FBLN2: variants seen among roughly 807,000 people sequenced by gnomAD.
FBLN2 encodes fibulin 2.
Under a neutral mutation model 123.7 loss-of-function variants are expected in FBLN2, and 81 were observed. The ratio of observed to expected loss-of-function variants is 0.65; its 90% CI spans 0.55 to 0.79. FBLN2 has a LOEUF of 0.79. FBLN2 is among the 30% of genes least tolerant of loss of function. The pLI is 0.00. For missense variants in FBLN2, 1,603 were observed against 1,681.3 expected (o/e 0.95, Z 0.81); for synonymous variants, 699 against 701.4 (o/e 1.00, Z 0.05).
intron 1 of FBLN2, 124 bp from the exon 2 acceptor site, chr3:13,570,191 C>T: frequency 9.6e-7 from 1 of 1,041,992 alleles, no homozygotes; most frequent in South Asian, 1.9e-5. Flanking sequence ...TTAGTGTGCT[C>T]CTGGGGATGA....
chr3:13,620,049 G>T (rs1364551668), intron 8 of FBLN2, among the ~76,000 whole-genome samples: 1 of 152,170 alleles, frequency 6.6e-6, no homozygotes, highest in African/African-American at 2.4e-5. Flanking sequence ...CTGCAGTGTG[G>T]CTGCATAGGA....
intron 6 of FBLN2, 58 bp downstream of exon 6, chr3:13,618,343 T>C: frequency 6.5e-7 from 1 of 1,540,098 alleles, no homozygotes; most frequent in Non-Finnish European, 8.9e-7. Flanking sequence ...TGCCAGGGGG[T>C]GTGGCATTCC....
At chr3:13,599,407 TAG>T (rs1320469726) in intron 2 of FBLN2, among the ~76,000 whole-genome samples, 1 of 151,364 alleles carries the variant, frequency 6.6e-6, no homozygotes, top group Non-Finnish European at 1.5e-5. Context: ...AGCTCCTGAG[TAG>T]AGAGAGTGAG....
intron 16 of FBLN2, among the ~76,000 whole-genome samples, chr3:13,634,193 C>T (rs972775011): frequency 4.6e-5 from 7 of 152,224 alleles, no homozygotes; most frequent in Non-Finnish European, 1.0e-4. Flanking sequence ...TCCCCTGTTT[C>T]GTCCTTTTTG....
intron 5 of FBLN2, among the ~76,000 whole-genome samples, chr3:13,615,374 T>C (rs1574985682): frequency 6.6e-6 from 1 of 152,246 alleles, no homozygotes; most frequent in Non-Finnish European, 1.5e-5. Flanking sequence ...GCTGTTCCTA[T>C]GGACCGTCAT....
chr3:13,565,390 A>C (rs191259076), intron 1 of FBLN2, among the ~76,000 whole-genome samples: 2 of 152,316 alleles, frequency 1.3e-5, no homozygotes, highest in East Asian at 3.9e-4. Flanking sequence ...GTGCCACTTC[A>C]TGGTGGCTTG....
intron 16 of FBLN2, among the ~76,000 whole-genome samples, chr3:13,635,083 GC>G (rs1281069227): frequency 6.6e-6 from 1 of 152,210 alleles, no homozygotes; most frequent in Non-Finnish European, 1.5e-5. Context: ...GCAAGGCTTT[GC>G]CCCTCTCTGA....
At chr3:13,589,296 C>T (rs1200422805) in intron 2 of FBLN2, among the ~76,000 whole-genome samples, 2 of 152,206 alleles carry the variant, frequency 1.3e-5, no homozygotes, top group East Asian at 3.8e-4. Flanking sequence ...AAGGGTGAGG[C>T]TTGTCCATGG....
rs1307716110 is a variant in FBLN2 at position 13,570,476 on chromosome 3, C to G, written c.121C>G (p.Leu41Val). The G allele has an allele frequency of 7.0e-6, 11 of 1,580,954 alleles. No homozygotes were observed. The highest frequency in any genetic ancestry group is 9.4e-6 in the Non-Finnish European group (11 of 1,164,704). ...QDCTGVECPP[L>V]ENCIEEALEP... is the part of the protein sequence containing the mutation. The stretch of plus-strand genomic sequence containing the variant: ...CTGCACGGGCGTGGAGTGCCCGCCG[C>G]TGGAGAACTGCATTGAGGAGGCGCT... The change falls in exon 2 of 18, where the codon CTG becomes GTG. Residue 41 changes from leucine to valine, a missense_variant. Transcript: ENST00000404922.
chr3:13,558,344 C>T (rs1274337054), intron 1 of FBLN2, among the ~76,000 whole-genome samples: 1 of 152,108 alleles, frequency 6.6e-6, no homozygotes, highest in Non-Finnish European at 1.5e-5. Context: ...CTCTGTGTCT[C>T]TCTCTGCCTG....
At chr3:13,625,896 G>C (rs1466850250) in intron 9 of FBLN2, among the ~76,000 whole-genome samples, 2 of 151,364 alleles carry the variant, frequency 1.3e-5, no homozygotes, top group African/African-American at 4.9e-5. Flanking sequence ...CCACCTCCTG[G>C]TGGGCCCTTG....
intron 1 of FBLN2, among the ~76,000 whole-genome samples, chr3:13,563,388 G>A (rs763760837): frequency 3.6e-4 from 55 of 152,220 alleles, no homozygotes; most frequent in Admixed American, 3.1e-3. Context: ...TCACTTCCCC[G>A]TGAAGTGCCT....
In FBLN2 at chr3:13,637,680, A is replaced by G. The variant is rs539565209; in HGVS notation, c.3457A>G (p.Ile1153Val). Residue 1153 changes from isoleucine to valine, a missense_variant, in exon 18 of 18, where the codon ATT (isoleucine) becomes GTT (valine). Physicochemically the swap from Ile to Val is conservative, Grantham distance 29. Transcript: ENST00000404922. ...CCTGGTGCCTGCGCATATCTTCCGC[A>G]TTGGCCCCGCGCCAGCCTTCACGGG... ...GLLVPAHIFRIGPAPAFTGDT... is the reference protein window; with the variant it reads ...GLLVPAHIFRVGPAPAFTGDT... 9 of 1,613,968 alleles carry G rather than the reference A, an allele frequency of 5.6e-6. No homozygotes were observed. Among genetic ancestry groups the G allele is most frequent in the East Asian group, 2.2e-5 (1 of 44,868 alleles).
Position 13,570,877 on chromosome 3 carries a change from C to G in FBLN2, c.522C>G (p.Leu174=). ...DAGGELICYQ[L]PGCHGNFSDA... ...GTGGAGAGCTCATCTGCTACCAGCT[C>G]CCCGGTTGCCACGGGAACTTCTCAG... The change falls in exon 2 of 18, where the codon CTC becomes CTG. Residue 174 remains leucine, a synonymous_variant. Coordinates refer to ENST00000404922, the MANE Select transcript of FBLN2 (RefSeq NM_001004019.2). 1 of 1,611,596 alleles carries G rather than the reference C, an allele frequency of 6.2e-7. No individual in the cohort carries two copies. Among genetic ancestry groups the G allele is most frequent in the Non-Finnish European group, 8.5e-7 (1 of 1,179,226 alleles).
At chr3:13,588,502 C>T (rs1448244863) in intron 2 of FBLN2, among the ~76,000 whole-genome samples, 1 of 152,220 alleles carries the variant, frequency 6.6e-6, no homozygotes, top group African/African-American at 2.4e-5. Context: ...CATTGGGAAC[C>T]CTGAGCTCCA....
chr3:13,613,418 C>T (rs923549526), intron 4 of FBLN2, among the ~76,000 whole-genome samples: 4 of 152,144 alleles, frequency 2.6e-5, no homozygotes, highest in Non-Finnish European at 4.4e-5. Flanking sequence ...CCTGGGCTAG[C>T]GTAGATCTAC....
chr3:13,574,147 C>T (rs1317614999), intron 2 of FBLN2, among the ~76,000 whole-genome samples: 11 of 152,202 alleles, frequency 7.2e-5, no homozygotes, highest in African/African-American at 2.2e-4. Flanking sequence ...TGGACAGCAG[C>T]AGTCATTTGA....
chr3:13,584,012 T>C (rs1180208507), intron 2 of FBLN2, among the ~76,000 whole-genome samples: 1 of 152,048 alleles, frequency 6.6e-6, no homozygotes, highest in Non-Finnish European at 1.5e-5. Flanking sequence ...GCACTAGAAG[T>C]CTGGGAGTGA....
At chr3:13,554,610 G>A (rs1050204750) in intron 1 of FBLN2, among the ~76,000 whole-genome samples, 3 of 12,444 alleles carry the variant, frequency 2.4e-4, no homozygotes, top group African/African-American at 4.5e-4. Flanking sequence ...TCCTCGTGGT[G>A]GTTGGTGTTG....
Sources: allele counts gnomAD v4.1 joint callset (sites outside exome capture counted in the v4.1 genomes callset), GRCh38; gene constraint gnomAD v4.1.1; transcripts MANE v1.5; gene names NCBI Gene and HGNC (gene_info 2026-07-23, HGNC 2026-07-21).